Variants in ANKS3 observed in about 807,000 individuals in gnomAD.
ANKS3 encodes ankyrin repeat and SAM domain-containing protein 3.
In ANKS3, 62 loss-of-function variants were observed where a neutral mutation model predicts 80.7. That is an observed-to-expected ratio of 0.77 (90% CI 0.63 to 0.95). The LOEUF (loss-of-function observed/expected upper bound fraction) is 0.95. ANKS3 is among the 40% of genes least tolerant of loss of function. ANKS3 has a pLI of 0.00. For synonymous variants in ANKS3, 489 were observed against 355.3 expected, an observed-to-expected ratio of 1.38 and a Z score of -4.23; for missense variants, 1,150 against 883.6, an observed-to-expected ratio of 1.30 and a Z score of -3.82.
intron 7 of ANKS3, among the ~76,000 whole-genome samples, chr16:4,711,346 G>A (rs1477099449): frequency 2.7e-5 from 4 of 150,300 alleles, no homozygotes; most frequent in Non-Finnish European, 4.4e-5. Flanking sequence ...CAGGTGATCC[G>A]CCCAACTCGG....
intron 8 of ANKS3, among the ~76,000 whole-genome samples, chr16:4,702,852 A>G (rs1469934706): frequency 1.3e-5 from 2 of 152,132 alleles, no homozygotes; most frequent in Non-Finnish European, 2.9e-5. Context: ...AAAAAGACTG[A>G]CTTGACCAGT....
At chr16:4,724,049 C>G (rs558822800) in intron 6 of ANKS3, among the ~76,000 whole-genome samples, 248 of 152,196 alleles carry the variant, frequency 1.6e-3, no homozygotes, top group African/African-American at 5.7e-3. Flanking sequence ...TACAGGGCAA[C>G]ACCATGTCTC....
chr16:4,705,326 AAAG>A, intron 7 of ANKS3, 73 bp from the exon 8 acceptor site: 15 of 1,537,890 alleles, frequency 9.8e-6, no homozygotes, highest in Non-Finnish European at 1.3e-5. Context: ...CGGCAAACTG[AAAG>A]AAAGTGACTG....
At chr16:4,703,823 A>G (rs2080045332) in intron 8 of ANKS3, among the ~76,000 whole-genome samples, 1 of 152,166 alleles carries the variant, frequency 6.6e-6, no homozygotes, top group Admixed American at 6.6e-5. Flanking sequence ...GACCACCACC[A>G]TGATTACTTC....
In ANKS3 at chr16:4,710,830, C is replaced by T. The variant is rs1287280476; in HGVS notation, c.709+3221G>A. Reference sequence around the variant, plus strand: ...TTTACTTTTCTTTGAGATGGAGTCTCGCTCTGTCGCCAAGCTGGAGTGCAG... The same window carrying T: ...TTTACTTTTCTTTGAGATGGAGTCTTGCTCTGTCGCCAAGCTGGAGTGCAG... On this transcript the variant is annotated intron_variant, in intron 7 of 17. Coordinates refer to ENST00000304283, the MANE Select transcript of ANKS3 (RefSeq NM_133450.4). 5.9e-5 allele frequency among the ~76,000 whole-genome samples: 9 copies of T among 152,198 alleles called. No individual in the cohort carries two copies. In the East Asian group the frequency reaches 7.7e-4, roughly 13 times the overall value.
intron 1 of ANKS3, 25 bp downstream of exon 1, chr16:4,733,913 C>T: frequency 3.0e-6 from 3 of 985,458 alleles, no homozygotes; most frequent in Non-Finnish European, 3.6e-6. Context: ...GGGGCGGGTC[C>T]CTGGCCGACA....
intron 7 of ANKS3, among the ~76,000 whole-genome samples, chr16:4,706,420 A>G (rs1279867129): frequency 1.3e-5 from 2 of 151,896 alleles, no homozygotes; most frequent in Admixed American, 6.6e-5. Flanking sequence ...TATTTTTAGT[A>G]GAGACGGGGT....
chr16:4,706,459 T>G (rs187948857), intron 7 of ANKS3, among the ~76,000 whole-genome samples: 2 of 152,024 alleles, frequency 1.3e-5, no homozygotes, highest in Non-Finnish European at 2.9e-5. Context: ...CTGGTCTCGA[T>G]CTCCTGACCT....
rs1444074914 is a variant in ANKS3 at position 4,698,027 on chromosome 16, T to C, written c.1760A>G (p.Gln587Arg). ...AGTGGCTGCACCAGGGGGCTGGTCC[T>C]GCCTCACTCGAGATGACAGCTCAGC... The part of the protein sequence containing the change: ...CQAELSSRVR[Q>R]DQPPGAATLG... Residue 587 changes from glutamine to arginine, a missense_variant, in exon 15 of 18, where the codon CAG becomes CGG. Gln to Arg is a conservative substitution (Grantham distance 43). Coordinates refer to ENST00000304283, the MANE Select transcript of ANKS3 (RefSeq NM_133450.4). 1 of 1,609,506 alleles carries C rather than the reference T, an allele frequency of 6.2e-7. No homozygotes were observed. Among genetic ancestry groups the C allele is most frequent in the Admixed American group, 1.7e-5 (1 of 59,546 alleles).
chr16:4,726,918 C>G, intron 4 of ANKS3, 61 bp downstream of exon 4: 1 of 1,608,810 alleles, frequency 6.2e-7, no homozygotes, highest in South Asian at 1.1e-5. Context: ...TGGTTCGCAT[C>G]TCTGTCAGGG....
chr16:4,697,523 C>G (rs1182315259), intron 15 of ANKS3, 107 bp from the exon 16 acceptor site: 1 of 905,450 alleles, frequency 1.1e-6, no homozygotes, highest in African/African-American at 1.7e-5. Flanking sequence ...ATCAGAACCT[C>G]CCTACCCGCC....
intron 6 of ANKS3, among the ~76,000 whole-genome samples, chr16:4,717,945 G>A (rs370441516): frequency 3.9e-5 from 6 of 152,084 alleles, no homozygotes; most frequent in East Asian, 3.9e-4. Flanking sequence ...ACAGGGGCAC[G>A]CCACCACGCC....
chr16:4,728,312 T>TG (rs1728054242), intron 3 of ANKS3, among the ~76,000 whole-genome samples: 1 of 152,138 alleles, frequency 6.6e-6, no homozygotes, highest in African/African-American at 2.4e-5. Flanking sequence ...CCCAAAGTGC[T>TG]GGATTACAGG....
rs759384827 is a variant in ANKS3 at position 4,697,115 on chromosome 16, A to T, written c.1895-11T>A. 1 of 1,612,754 alleles carries T rather than the reference A, an allele frequency of 6.2e-7. No homozygotes were observed. Among genetic ancestry groups the T allele is most frequent in the South Asian group, 1.1e-5 (1 of 90,888 alleles). On this transcript the variant is annotated splice_polypyrimidine_tract_variant and intron_variant, in intron 16 of 17. Transcript: ENST00000304283. ...AGCACAGTGCTTGCCCTGAGGAATG[A>T]TGACCTTGAGCCTCTCCCGGCCAGG...
In ANKS3 at chr16:4,701,043, G is replaced by T. The variant is rs765789292; in HGVS notation, c.1211C>A (p.Ala404Asp). 2.5e-6 allele frequency: 4 copies of T among 1,613,972 alleles called. No homozygotes were observed. Among genetic ancestry groups the T allele is most frequent in the Non-Finnish European group, 3.4e-6 (4 of 1,180,026 alleles). Residue 404 changes from alanine (A) to aspartate (D), a missense_variant, in exon 11 of 18, where the codon GCT (alanine) becomes GAT (aspartate). Ala to Asp is a moderately radical substitution (Grantham distance 126, BLOSUM62 -2). Coordinates refer to ENST00000304283, the MANE Select transcript of ANKS3 (RefSeq NM_133450.4). ...GAGAAAGCCTTCCCTGTCAGTTGCA[G>T]CGCGGGGAGGCCACTGGCTGTCAGG... ...KNPDSQWPPR[A>D]ATDREGFLAE...
chr16:4,726,786 A>G lies in ANKS3; in HGVS notation c.370-6T>C. On this transcript the variant is annotated splice_polypyrimidine_tract_variant and splice_region_variant and intron_variant, in intron 4 of 17. Transcript: ENST00000304283. Reference sequence around the variant, plus strand: ...ATTTCTAGCTCTGCACCTTGCTTCAAGAGAACACAGAACGTGCGTTACGGC... The same window carrying G: ...ATTTCTAGCTCTGCACCTTGCTTCAGGAGAACACAGAACGTGCGTTACGGC... 6.2e-7 allele frequency: 1 copy of G among 1,611,690 alleles called. No individual in the cohort carries two copies. The highest frequency in any genetic ancestry group is 8.5e-7 in the Non-Finnish European group (1 of 1,178,026).
intron 8 of ANKS3, among the ~76,000 whole-genome samples, chr16:4,703,460 CACCAG>C (rs2080025908): frequency 7.2e-6 from 1 of 139,814 alleles, no homozygotes; most frequent in Non-Finnish European, 1.5e-5. Context: ...CTTGCTCTGT[CACCAG>C]ACTGGAGTGC....
intron 7 of ANKS3, among the ~76,000 whole-genome samples, chr16:4,705,635 TTTC>T (rs771300788): frequency 3.3e-5 from 5 of 151,970 alleles, no homozygotes; most frequent in Non-Finnish European, 5.9e-5. Context: ...CAGTGTTTTT[TTTC>T]TTTTCTTTTT....
chr16:4,699,309 G>T lies in ANKS3; in HGVS notation c.1285-133C>A, dbSNP rs1429174826. On this transcript the variant is annotated intron_variant, in intron 11 of 17. Coordinates refer to ENST00000304283, the MANE Select transcript of ANKS3 (RefSeq NM_133450.4). ...GTGCCTTGTGTGTGGCGCCCAGGCTGTCCCCTCCTACTCTGGTGGCTCAGG... is the reference window on the plus strand; with the variant it reads ...GTGCCTTGTGTGTGGCGCCCAGGCTTTCCCCTCCTACTCTGGTGGCTCAGG... 6 of 1,269,924 alleles carry T rather than the reference G, an allele frequency of 4.7e-6. No homozygotes were observed. In the Admixed American group the frequency reaches 1.3e-4, roughly 27 times the overall value. 78.7% of individuals were successfully genotyped at this position (1,269,924 alleles called of 1,614,324 possible).
Sources: allele counts gnomAD v4.1 joint callset (sites outside exome capture counted in the v4.1 genomes callset), GRCh38; gene constraint gnomAD v4.1.1; transcripts MANE v1.5; gene names NCBI Gene and HGNC (gene_info 2026-07-23, HGNC 2026-07-21).